FBXO24: variants seen among roughly 807,000 people sequenced by gnomAD.
FBXO24 encodes F-box protein 24.
A neutral mutation model predicts 63.5 loss-of-function variants in FBXO24; 30 were observed. The ratio of observed to expected loss-of-function variants is 0.47; its 90% CI spans 0.35 to 0.64. The LOEUF is 0.64. Ranked by LOEUF, FBXO24 falls within the 30% of genes least tolerant of loss-of-function variation. The pLI is 0.00. For synonymous variants in FBXO24, 300 were observed against 305.0 expected (o/e 0.98, Z 0.17); for missense variants, 624 against 763.4 (o/e 0.82, Z 2.15).
intron 1 of FBXO24, among the ~76,000 whole-genome samples, chr7:100,587,894 G>A (rs997171844): frequency 2.6e-5 from 4 of 151,520 alleles, no homozygotes; most frequent in South Asian, 2.1e-4. Flanking sequence ...CACCGCACCC[G>A]GCCCACAGTG....
chr7:100,599,984 CGT>C, intron 8 of FBXO24, 45 bp from the exon 9 acceptor site: 34 of 1,519,156 alleles, frequency 2.2e-5, no homozygotes, highest in African/African-American at 2.7e-5. Context: ...CCAGCCCCCC[CGT>C]CCCTTGGTGC....
In FBXO24 at chr7:100,591,649, T is replaced by C; in HGVS notation, c.323-18T>C. 6.2e-7 allele frequency: 1 copy of C among 1,611,978 alleles called. No homozygotes were observed. The highest frequency in any genetic ancestry group is 8.5e-7 in the Non-Finnish European group (1 of 1,178,082). On this transcript the variant is annotated intron_variant, in intron 3 of 9. Coordinates refer to ENST00000241071, the MANE Select transcript of FBXO24 (RefSeq NM_033506.3). ...GTCATCTCATCCCTTGAACCTTCCA[T>C]CTCCTTCCTTCCTCCAGACACGAAG...
chr7:100,586,630 G>A lies in FBXO24; in HGVS notation c.5G>A (p.Gly2Asp), dbSNP rs368371879. 4 of 1,614,260 alleles carry A rather than the reference G, an allele frequency of 2.5e-6. No individual in the cohort carries two copies. The highest frequency in any genetic ancestry group is 3.4e-6 in the Non-Finnish European group (4 of 1,180,036). ...ACGGCTCTACCTACCAATAGCATGG[G>A]CGAGAAGGCGGTCCCTTTGCTAAGG... M[G>D]EKAVPLLRRR... Residue 2 changes from glycine (G) to aspartate (D), a missense_variant, in exon 1 of 10, where the codon GGC (glycine) becomes GAC (aspartate). Coordinates refer to ENST00000241071, the MANE Select transcript of FBXO24 (RefSeq NM_033506.3).
intron 1 of FBXO24, among the ~76,000 whole-genome samples, chr7:100,588,786 C>G (rs1326520749): frequency 1.3e-5 from 2 of 152,174 alleles, no homozygotes; most frequent in African/African-American, 4.8e-5. Flanking sequence ...TTTATACATG[C>G]AATGATGTTA....
In FBXO24 at chr7:100,600,508, A is replaced by G; in HGVS notation, c.1378-26A>G. Reference sequence around the variant, plus strand: ...CCTGCAAGGAAAGCACCACTCAGCCATGCCCCCTTTCTCTCCTCCTCCAAG... The same window carrying G: ...CCTGCAAGGAAAGCACCACTCAGCCGTGCCCCCTTTCTCTCCTCCTCCAAG... On this transcript the variant is annotated intron_variant, in intron 9 of 9. Coordinates refer to ENST00000241071, the MANE Select transcript of FBXO24 (RefSeq NM_033506.3). The surrounding 1 kb of genome is among the most constrained non-coding windows in gnomAD (Gnocchi z 6.3). 1 of 1,530,192 alleles carries G rather than the reference A, an allele frequency of 6.5e-7. No individual in the cohort carries two copies. The highest frequency in any genetic ancestry group is 2.1e-5 in the Admixed American group (1 of 47,236). 94.8% of individuals were successfully genotyped at this position (1,530,192 alleles called of 1,614,324 possible). A position where few individuals can be genotyped will look rare whatever the true frequency, so the allele number is the denominator to read the frequency against.
intron 8 of FBXO24, among the ~76,000 whole-genome samples, chr7:100,598,333 C>G (rs1802409636): frequency 6.6e-6 from 1 of 152,142 alleles, no homozygotes; most frequent in Admixed American, 6.5e-5. Flanking sequence ...GCCAATGTTT[C>G]ATAATTTTTC....
chr7:100,586,733 C>G (rs761538961), intron 1 of FBXO24, 69 bp downstream of exon 1: 1 of 1,572,844 alleles, frequency 6.4e-7, no homozygotes, highest in East Asian at 2.2e-5. Flanking sequence ...GAACGCAGTT[C>G]GCCGCTGCAG....
intron 1 of FBXO24, among the ~76,000 whole-genome samples, chr7:100,588,767 A>G (rs1357950623): frequency 6.6e-6 from 1 of 152,164 alleles, no homozygotes; most frequent in African/African-American, 2.4e-5. Context: ...CCACCTTAAT[A>G]GGTTGTCCTT....
At chr7:100,593,610 G>C (rs1802139636) in intron 5 of FBXO24, among the ~76,000 whole-genome samples, 1 of 144,240 alleles carries the variant, frequency 6.9e-6, no homozygotes, top group Admixed American at 7.0e-5. Flanking sequence ...CCTGGTGACA[G>C]AGCGAGACTC....
At chr7:100,599,967 T>TG in intron 8 of FBXO24, 64 bp from the exon 9 acceptor site, 146 of 1,496,528 alleles carry the variant, frequency 9.8e-5, no homozygotes, top group Non-Finnish European at 1.2e-4. Context: ...GTCAACCTTT[T>TG]CCCACCCCAG....
chr7:100,587,295 T>G (rs1021088371), intron 1 of FBXO24, among the ~76,000 whole-genome samples: 46 of 152,180 alleles, frequency 3.0e-4, no homozygotes, highest in African/African-American at 1.1e-3. Context: ...TTCCGTTCCC[T>G]TCCTCTTTTT....
intron 1 of FBXO24, among the ~76,000 whole-genome samples, chr7:100,587,966 A>G (rs1312149600): frequency 6.6e-6 from 1 of 151,588 alleles, no homozygotes; most frequent in Non-Finnish European, 1.5e-5. Context: ...CAGTGGCTTG[A>G]TCGCAGCTCA....
intron 1 of FBXO24, chr7:100,589,495 A>G: frequency 7.7e-7 from 1 of 1,300,294 alleles, no homozygotes; most frequent in Non-Finnish European, 9.8e-7. Flanking sequence ...GCTGTCTAAG[A>G]GATGGGTCCT....
At chr7:100,591,392 C>A (rs1802019388) in intron 3 of FBXO24, among the ~76,000 whole-genome samples, 1 of 152,222 alleles carries the variant, frequency 6.6e-6, no homozygotes, top group South Asian at 2.1e-4. Flanking sequence ...TAGAGTTTTC[C>A]TCAACATCAC....
At chr7:100,586,690 T>C in intron 1 of FBXO24, 26 bp downstream of exon 1, 1 of 1,613,832 alleles carries the variant, frequency 6.2e-7, no homozygotes, top group Admixed American at 1.7e-5. Context: ...AAGACTGAGG[T>C]TAAGAATGAA....
intron 7 of FBXO24, 64 bp from the exon 8 acceptor site, chr7:100,595,511 T>C: frequency 6.6e-7 from 1 of 1,513,636 alleles, no homozygotes; most frequent in Non-Finnish European, 8.9e-7. Context: ...GCTTGGAGAC[T>C]CTGGAACTCA....
Position 100,594,636 on chromosome 7 carries a change from C to G in FBXO24, c.952+95C>G. 2.3e-6 allele frequency: 3 copies of G among 1,303,188 alleles called. No individual in the cohort carries two copies. Among genetic ancestry groups the G allele is most frequent in the Non-Finnish European group, 3.0e-6 (3 of 990,540 alleles). The allele number at this position is 1,303,188 out of a possible 1,614,324, so 80.7% of individuals were successfully genotyped here. A position where few individuals can be genotyped will look rare whatever the true frequency, so the allele number is the denominator to read the frequency against. On this transcript the variant is annotated intron_variant, in intron 6 of 9. Coordinates refer to ENST00000241071, the MANE Select transcript of FBXO24 (RefSeq NM_033506.3). The surrounding 1 kb of genome is among the most constrained non-coding windows in gnomAD (Gnocchi z 4.2). The stretch of plus-strand genomic sequence containing the variant: ...CCCTTACTCCAGCTGCATGGTGAAC[C>G]CCTGAGGGCATCCTAGTGAAAAGAT...
intron 5 of FBXO24, 29 bp downstream of exon 5, chr7:100,593,046 ACTGTTTCCTG>A: frequency 6.3e-7 from 1 of 1,596,818 alleles, no homozygotes; most frequent in Non-Finnish European, 8.6e-7. Flanking sequence ...GCTTTTGCAA[ACTGTTTCCTG>A]CAGATTCCTC....
intron 1 of FBXO24, chr7:100,589,317 C>A: frequency 1.1e-6 from 1 of 928,480 alleles, no homozygotes; most frequent in Non-Finnish European, 1.3e-6. Flanking sequence ...GTGAGGAATT[C>A]ACTAGTGTTT....
Sources: allele counts gnomAD v4.1 joint callset (sites outside exome capture counted in the v4.1 genomes callset), GRCh38; gene constraint gnomAD v4.1.1; non-coding constraint Gnocchi (gnomAD v3.1); transcripts MANE v1.5; gene names NCBI Gene and HGNC (gene_info 2026-07-23, HGNC 2026-07-21).